MAP1S: variants seen among roughly 807,000 people sequenced by gnomAD.
MAP1S encodes microtubule associated protein 1S, also known as microtubule-associated protein 1S.
In MAP1S, 27 loss-of-function variants were observed where a neutral mutation model predicts 60.9. The ratio of observed to expected loss-of-function variants is 0.44; its 90% CI spans 0.33 to 0.61. MAP1S has a LOEUF of 0.61. MAP1S is among the 20% of genes least tolerant of loss of function. The pLI is 0.03. For missense variants in MAP1S, 1,608 were observed against 1,486.6 expected (o/e 1.08, Z -1.34); for synonymous variants, 826 against 694.2 (o/e 1.19, Z -2.98).
chr19:17,721,934 C>T (rs985837035), intron 2 of MAP1S, among the ~76,000 whole-genome samples: 1 of 152,124 alleles, frequency 6.6e-6, no homozygotes, highest in Non-Finnish European at 1.5e-5. Flanking sequence ...CCTGCAGCCG[C>T]CCCCGGCTCC....
chr19:17,730,882 C>T (rs540141018), intron 5 of MAP1S, among the ~76,000 whole-genome samples: 10 of 147,082 alleles, frequency 6.8e-5, no homozygotes, highest in Middle Eastern at 3.5e-3. Context: ...GATTTTTTTT[C>T]TTTTTTCTTT....
chr19:17,723,716 G>A (rs960924341), intron 2 of MAP1S, among the ~76,000 whole-genome samples: 6 of 151,944 alleles, frequency 3.9e-5, no homozygotes, highest in African/African-American at 1.4e-4. Context: ...CGGGTGTGGT[G>A]GCGGGCACCT....
In MAP1S at chr19:17,733,389, G is replaced by A. The variant is rs772433350; in HGVS notation, c.2985G>A (p.Ala995=). 8.0e-5 allele frequency: 128 copies of A among 1,609,780 alleles called. No homozygotes were observed. The highest frequency in any genetic ancestry group is 1.2e-4 in the African/African-American group (9 of 74,852). ...AAGGCATGCGGGCCGTCCTGGACGC[G>A]CTACTGGCCAGCAAGCAGCATTGGG... The part of the protein sequence containing the change: ...KEEGMRAVLD[A]LLASKQHWDR... Residue 995 remains alanine (A), a synonymous_variant, in exon 6 of 7, where the codon GCG becomes GCA. Transcript: ENST00000324096.
At position 17,734,368 on chromosome 19, in the gene MAP1S, C is replaced by T. The variant is rs1449003948; in HGVS notation, c.3120C>T (p.Gly1040=). 6.2e-7 allele frequency: 1 copy of T among 1,613,752 alleles called. No individual in the cohort carries two copies. The highest frequency in any genetic ancestry group is 1.7e-5 in the Admixed American group (1 of 60,026). The change falls in exon 7 of 7, where the codon GGC becomes GGT. Residue 1040 remains glycine (G), a synonymous_variant. Coordinates refer to ENST00000324096, the MANE Select transcript of MAP1S (RefSeq NM_018174.6). ...AGGCGCTGGGCATCACGGTGTTGGG[C>T]AGCAACAGCATGGTGTCCATGCAGG... is the stretch of plus-strand genomic sequence containing the variant. ...RHQALGITVL[G]SNSMVSMQDD... is the part of the protein sequence containing the mutation.
intron 5 of MAP1S, among the ~76,000 whole-genome samples, chr19:17,732,397 T>A (rs181154802): frequency 6.6e-6 from 1 of 152,312 alleles, no homozygotes; most frequent in African/African-American, 2.4e-5. Flanking sequence ...GCAGGCTTCT[T>A]GTGCCCGAGA....
chr19:17,720,805 T>C, intron 1 of MAP1S, 131 bp from the exon 2 acceptor site: 1 of 756,310 alleles, frequency 1.3e-6, no homozygotes, highest in Non-Finnish European at 2.3e-6. Context: ...GTTGGGTACT[T>C]CTGAGTCTCC....
chr19:17,729,137 C>A (rs1192063048), intron 5 of MAP1S, among the ~76,000 whole-genome samples: 1 of 152,168 alleles, frequency 6.6e-6, no homozygotes, highest in Non-Finnish European at 1.5e-5. Context: ...AGAGAAAAGG[C>A]ACATAGGGTG....
At chr19:17,720,006 G>A (rs1599450244) in intron 1 of MAP1S, 1 of 578,926 alleles carries the variant, frequency 1.7e-6, no homozygotes, top group Non-Finnish European at 2.2e-6. Flanking sequence ...GGTCTTAGCA[G>A]CTTAGATAGA....
intron 2 of MAP1S, among the ~76,000 whole-genome samples, chr19:17,723,756 A>G (rs1439682686): frequency 1.3e-5 from 2 of 152,098 alleles, no homozygotes; most frequent in African/African-American, 4.8e-5. Flanking sequence ...AGGCTGAGGC[A>G]GGAGAATGGC....
intron 2 of MAP1S, among the ~76,000 whole-genome samples, chr19:17,723,686 T>TA (rs1233603904): frequency 6.6e-6 from 1 of 151,914 alleles, no homozygotes; most frequent in Admixed American, 6.6e-5. Context: ...CTGTCTCTAC[T>TA]AAAAATACAA....
At chr19:17,733,572 T>C (rs976868670) in intron 6 of MAP1S, 144 bp downstream of exon 6, 15 of 653,626 alleles carry the variant, frequency 2.3e-5, no homozygotes, top group Non-Finnish European at 3.3e-5. Flanking sequence ...GCTCAGCCCT[T>C]AGGGGTCTCT....
At chr19:17,723,034 T>C (rs1317139798) in intron 2 of MAP1S, among the ~76,000 whole-genome samples, 1 of 151,884 alleles carries the variant, frequency 6.6e-6, no homozygotes, top group Non-Finnish European at 1.5e-5. Context: ...CGGCTCTGGC[T>C]CCTTGCCACC....
rs1325058507 is a variant in MAP1S, at chr19:17,725,991, A to G, written c.607A>G (p.Asn203Asp). The G allele has an allele frequency of 2.5e-6, 4 of 1,612,206 alleles. No homozygotes were observed. In the Admixed American group the frequency reaches 6.7e-5, roughly 27 times the overall value. ...LRLNPPAQLP[N>D]SEGLCEFLEY... ...GCTGAACCCCCCGGCGCAGCTGCCCAACTCTGAGGGCCTGTGCGAATTCCT... is the reference window on the plus strand; with the variant it reads ...GCTGAACCCCCCGGCGCAGCTGCCCGACTCTGAGGGCCTGTGCGAATTCCT... Residue 203 changes from asparagine to aspartate, a missense_variant, in exon 5 of 7, where the codon AAC becomes GAC. Physicochemically the swap from Asn to Asp is conservative, Grantham distance 23. Coordinates refer to ENST00000324096, the MANE Select transcript of MAP1S (RefSeq NM_018174.6). This position sits in a 1 kb window ranked among gnomAD's most constrained non-coding sequence, Gnocchi z 4.2.
In MAP1S at chr19:17,726,414, G is replaced by T. The variant is rs775482083; in HGVS notation, c.1030G>T (p.Ala344Ser). Reference sequence around the variant, plus strand: ...GGTCGTGTTCTTCAACGCCTGCGAGGCCGCGTCGCGGCTGGCGCGCGGCGA... The same window carrying T: ...GGTCGTGTTCTTCAACGCCTGCGAGTCCGCGTCGCGGCTGGCGCGCGGCGA... The part of the protein sequence containing the change: ...LGVVFFNACE[A>S]ASRLARGEDE... Residue 344 changes from alanine to serine, a missense_variant, in exon 5 of 7, where the codon GCC (alanine) becomes TCC (serine). Ala to Ser is a moderately conservative substitution (Grantham distance 99, BLOSUM62 1). Transcript: ENST00000324096. The T allele has an allele frequency of 1.1e-5, 18 of 1,572,734 alleles. No individual in the cohort carries two copies. The Middle Eastern group carries it at 5.1e-4, about 45-fold the overall frequency.
chr19:17,725,980 C>G lies in MAP1S; in HGVS notation c.596C>G (p.Ala199Gly). Residue 199 changes from alanine to glycine, a missense_variant, in exon 5 of 7, where the codon GCG becomes GGG. Around this residue, in one of 4 missense-constraint regions of MAP1S, gnomAD observed 320 missense variants for 393.1 expected, o/e 0.81. Transcript: ENST00000324096. The surrounding 1 kb of genome is among the most constrained non-coding windows in gnomAD (Gnocchi z 4.2). Reference protein sequence around the residue: ...LRLQLRLNPPAQLPNSEGLCE... With the variant: ...LRLQLRLNPPGQLPNSEGLCE... ...CTCCAGCTGCGGCTGAACCCCCCGG[C>G]GCAGCTGCCCAACTCTGAGGGCCTG... 6.2e-7 allele frequency: 1 copy of G among 1,612,202 alleles called. No homozygotes were observed. The highest frequency in any genetic ancestry group is 8.5e-7 in the Non-Finnish European group (1 of 1,179,326).
chr19:17,728,243 T>C, intron 5 of MAP1S, 71 bp downstream of exon 5: 1 of 1,451,288 alleles, frequency 6.9e-7, no homozygotes, highest in Non-Finnish European at 9.2e-7. Flanking sequence ...CTCGTCCCCC[T>C]GTTTTTACAT....
intron 1 of MAP1S, chr19:17,720,243 T>A: frequency 7.2e-7 from 1 of 1,383,012 alleles, no homozygotes; most frequent in Non-Finnish European, 9.3e-7. Flanking sequence ...TGGAGATGGG[T>A]GTTCATCCCC....
Position 17,726,375 on chromosome 19 carries a change from T to TCCC in MAP1S, c.994_996dup (p.Pro332dup). ...GGACGACAGGCTGCGCAGGCTCATC[T>TCCC]CCCCCAACCTGGGGGTCGTGTTCTT... is the stretch of plus-strand genomic sequence containing the variant. On this transcript the variant is annotated inframe_insertion, in exon 5 of 7. Transcript: ENST00000324096. The TCCC allele has an allele frequency of 6.3e-7, 1 of 1,595,362 alleles. No individual in the cohort carries two copies. The highest frequency in any genetic ancestry group is 8.5e-7 in the Non-Finnish European group (1 of 1,177,208).
intron 2 of MAP1S, among the ~76,000 whole-genome samples, chr19:17,722,615 G>A (rs778686000): frequency 1.3e-5 from 2 of 151,812 alleles, no homozygotes; most frequent in Non-Finnish European, 2.9e-5. Flanking sequence ...TGGTTGTGGT[G>A]GCAAGCGCCT....
Sources: gnomAD v4.1 joint callset for allele counts (sites outside exome capture counted in the v4.1 genomes callset) on GRCh38, gnomAD v4.1.1 for gene constraint, gnomAD v4.1.1 regional missense constraint, Gnocchi (gnomAD v3.1) non-coding constraint, MANE v1.5 for transcripts, NCBI Gene and HGNC (gene_info 2026-07-23, HGNC 2026-07-21) for gene names.